The following CASP9 variants were observed in gnomAD, a reference collection of about 807,000 sequenced individuals.
CASP9 encodes the protein caspase 9, also known as caspase-9.
In CASP9, 29 loss-of-function variants were observed where a neutral mutation model predicts 43.5. The observed-to-expected ratio is 0.67, with a 90% CI of 0.50 to 0.91. The LOEUF (loss-of-function observed/expected upper bound fraction) is 0.91. CASP9 is among the 40% of genes least tolerant of loss of function. CASP9 has a pLI of 0.00. For synonymous variants in CASP9, 206 were observed against 211.9 expected (o/e 0.97, Z 0.24); for missense variants, 575 against 537.4 (o/e 1.07, Z -0.69).
At chr1:15,514,125 T>C (rs1205893304) in intron 2 of CASP9, among the ~76,000 whole-genome samples, 5 of 152,196 alleles carry the variant, frequency 3.3e-5, no homozygotes, top group Non-Finnish European at 5.9e-5. Flanking sequence ...TCTTCTTTAT[T>C]GTGCAGAGCT....
rs201990353 is a variant in CASP9 at position 15,495,500 on chromosome 1, A to G, written c.869-48T>C. ...CCTCTTGTCATTGAAATACACAGAC[A>G]AGGATGGTTCAACATATGAAAGTCG... is the stretch of plus-strand genomic sequence containing the variant. On this transcript the variant is annotated intron_variant, in intron 6 of 8. Coordinates refer to ENST00000333868, the MANE Select transcript of CASP9 (RefSeq NM_001229.5). The G allele has an allele frequency of 3.9e-5, 57 of 1,476,576 alleles. 3 individuals are homozygous for G. In the Admixed American group the frequency reaches 1.2e-3, roughly 31 times the overall value. The allele number at this position is 1,476,576 out of a possible 1,614,324, so 91.5% of individuals were successfully genotyped here. A position where few individuals can be genotyped will look rare whatever the true frequency, so the allele number is the denominator to read the frequency against.
chr1:15,491,486 A>G lies in CASP9; in HGVS notation c.*1457T>C, dbSNP rs981091759. 1.5e-5 allele frequency: 13 copies of G among 861,012 alleles called. No homozygotes were observed. Among genetic ancestry groups the G allele is most frequent in the Non-Finnish European group, 1.8e-5 (10 of 558,606 alleles). The allele number at this position is 861,012 out of a possible 1,614,324, so 53.3% of individuals were successfully genotyped here. On this transcript the variant is annotated 3_prime_UTR_variant, in exon 9 of 9. Coordinates refer to ENST00000333868, the MANE Select transcript of CASP9 (RefSeq NM_001229.5). Reference sequence around the variant, plus strand: ...TAAGAACCAGAAATAGGTCAGGCGCAATGGCTCAAGCCTGTAACCCCTGCA... The same window carrying G: ...TAAGAACCAGAAATAGGTCAGGCGCGATGGCTCAAGCCTGTAACCCCTGCA...
At chr1:15,493,164 A>G in intron 8 of CASP9, 129 bp from the exon 9 acceptor site, 1 of 1,506,094 alleles carries the variant, frequency 6.6e-7, no homozygotes, top group Non-Finnish European at 8.8e-7. Flanking sequence ...AGCCTCTTTG[A>G]GCAGGAGGGC....
At chr1:15,512,592 A>T (rs1709795656) in intron 2 of CASP9, among the ~76,000 whole-genome samples, 1 of 152,176 alleles carries the variant, frequency 6.6e-6, no homozygotes, top group Non-Finnish European at 1.5e-5. Flanking sequence ...CAACTTGCAG[A>T]TGGCAGATCT....
intron 6 of CASP9, among the ~76,000 whole-genome samples, chr1:15,497,000 G>C (rs766500475): frequency 3.3e-5 from 5 of 151,990 alleles, no homozygotes; most frequent in Non-Finnish European, 5.9e-5. Context: ...GGGTGACAAA[G>C]CAAGACCCAG....
chr1:15,507,882 A>G lies in CASP9; in HGVS notation c.444T>C (p.Asn148=). ...DVGALESLRG[N]ADLAYILSME... ...TTTCATGGAGACTCACCAAATCTGC[A>G]TTTCCCCTCAAACTCTCAAGAGCAC... Residue 148 remains asparagine (N), a synonymous_variant, in exon 3 of 9, where the codon AAT becomes AAC. Transcript: ENST00000333868. 6.2e-7 allele frequency: 1 copy of G among 1,614,146 alleles called. No homozygotes were observed. The highest frequency in any genetic ancestry group is 8.5e-7 in the Non-Finnish European group (1 of 1,180,004).
At chr1:15,493,553 T>A in intron 8 of CASP9, 1 of 1,414,108 alleles carries the variant, frequency 7.1e-7, no homozygotes, top group Non-Finnish European at 9.2e-7. Flanking sequence ...CCACAGGATA[T>A]AGGGAGGGGC....
chr1:15,517,241 T>G (rs1267456659), intron 2 of CASP9, among the ~76,000 whole-genome samples: 1 of 151,976 alleles, frequency 6.6e-6, no homozygotes, highest in Admixed American at 6.6e-5. Flanking sequence ...CATGTAGAAA[T>G]TAAAAAGAAT....
intron 3 of CASP9, chr1:15,507,665 T>G (rs4646034): frequency 5.2e-6 from 3 of 577,198 alleles, no homozygotes; most frequent in Non-Finnish European, 9.3e-6. Context: ...GCTTCTGCTG[T>G]CAGCTTTGCA....
intron 6 of CASP9, among the ~76,000 whole-genome samples, chr1:15,495,862 C>T (rs1009496404): frequency 1.6e-4 from 24 of 152,306 alleles, no homozygotes; most frequent in African/African-American, 4.8e-4. Flanking sequence ...TGTTATCTTA[C>T]GTAAAAATGC....
At chr1:15,513,117 C>T (rs925600546) in intron 2 of CASP9, among the ~76,000 whole-genome samples, 3 of 149,918 alleles carry the variant, frequency 2.0e-5, no homozygotes, top group Non-Finnish European at 3.0e-5. Context: ...GCGGAGATCG[C>T]GCCACTGCAC....
chr1:15,510,064 G>C (rs1322761589), intron 2 of CASP9, among the ~76,000 whole-genome samples: 1 of 152,080 alleles, frequency 6.6e-6, no homozygotes, highest in Non-Finnish European at 1.5e-5. Context: ...CCAAGTAGCT[G>C]GGAGTACAGG....
rs1708893682 is a variant in CASP9 at position 15,491,471 on chromosome 1, A to G, written c.*1472T>C. ...TAACATCCAGGGCCCTAAGAACCAG[A>G]AATAGGTCAGGCGCAATGGCTCAAG... On this transcript the variant is annotated 3_prime_UTR_variant, in exon 9 of 9. Coordinates refer to ENST00000333868, the MANE Select transcript of CASP9 (RefSeq NM_001229.5). 9.7e-7 allele frequency: 1 copy of G among 1,035,340 alleles called. No homozygotes were observed. The allele number at this position is 1,035,340 out of a possible 1,614,324, so 64.1% of individuals were successfully genotyped here.
At chr1:15,500,755 T>C (rs1326893062) in intron 6 of CASP9, among the ~76,000 whole-genome samples, 1 of 152,024 alleles carries the variant, frequency 6.6e-6, no homozygotes, top group Non-Finnish European at 1.5e-5. Flanking sequence ...GGCGTGAATG[T>C]GATGGTGCTG....
chr1:15,524,733 T>C (rs1485926387), upstream of CASP9: 11 of 997,444 alleles, frequency 1.1e-5, no homozygotes, highest in African/African-American at 2.1e-4. Context: ...AATTCTGGGG[T>C]CACCGCCTGT....
intron 1 of CASP9, among the ~76,000 whole-genome samples, chr1:15,520,657 C>T (rs924422903): frequency 6.6e-6 from 1 of 152,108 alleles, no homozygotes; most frequent in Non-Finnish European, 1.5e-5. Context: ...TAGCAGACCG[C>T]GAAGGGGAGT....
chr1:15,506,058 C>T lies in CASP9; in HGVS notation c.652G>A (p.Glu218Lys). 6.2e-7 allele frequency: 1 copy of T among 1,613,828 alleles called. No homozygotes were observed. The highest frequency in any genetic ancestry group is 8.5e-7 in the Non-Finnish European group (1 of 1,179,694). Residue 218 changes from glutamate to lysine, a missense_variant, in exon 5 of 9, where the codon GAG becomes AAG. Transcript: ENST00000333868. ...TAKKMVLALL[E>K]LAQQDHGALD... ...GCACCGTGGTCCTGCTGCGCCAGCTCCAGCAAAGCCAGCACCATTTTCTAC... is the reference window on the plus strand; with the variant it reads ...GCACCGTGGTCCTGCTGCGCCAGCTTCAGCAAAGCCAGCACCATTTTCTAC...
rs776310807 is a variant in CASP9, at chr1:15,495,382, C to A, written c.939G>T (p.Glu313Asp). 6.2e-7 allele frequency: 1 copy of A among 1,608,624 alleles called. No individual in the cohort carries two copies. Among genetic ancestry groups the A allele is most frequent in the East Asian group, 2.2e-5 (1 of 44,716 alleles). ...PEDESPGSNP[E>D]PDATPFQEGL... is the part of the protein sequence containing the mutation. ...CTTCCTGGAACGGGGTGGCATCTGG[C>A]TCGGGGTTACTGCCAGGGGACTCGT... Residue 313 changes from glutamate (E) to aspartate (D), a missense_variant, in exon 7 of 9, where the codon GAG becomes GAT. Physicochemically the swap from Glu to Asp is conservative, Grantham distance 45 (BLOSUM62 2). Coordinates refer to ENST00000333868, the MANE Select transcript of CASP9 (RefSeq NM_001229.5).
intron 6 of CASP9, among the ~76,000 whole-genome samples, chr1:15,500,616 G>T (rs1328951659): frequency 6.6e-6 from 1 of 152,162 alleles, no homozygotes; most frequent in Non-Finnish European, 1.5e-5. Flanking sequence ...GGGCCTCTTT[G>T]ATCTGTGACA....
Sources: allele counts gnomAD v4.1 joint callset (sites outside exome capture counted in the v4.1 genomes callset), GRCh38; gene constraint gnomAD v4.1.1; transcripts MANE v1.5; gene names NCBI Gene and HGNC (gene_info 2026-07-23, HGNC 2026-07-21).